DNER: variants seen among roughly 807,000 people sequenced by gnomAD.
The protein encoded by DNER is delta and Notch-like epidermal growth factor-related receptor.
Under a neutral mutation model 78.2 loss-of-function variants are expected in DNER, and 33 were observed. The ratio of observed to expected loss-of-function variants is 0.42; its 90% CI spans 0.32 to 0.56. The LOEUF is 0.56. Among genes scored for constraint, DNER ranks in the 20% least tolerant of loss-of-function variants. The pLI, the probability that DNER is intolerant of heterozygous loss-of-function variation, is 0.11. For synonymous variants in DNER, 417 were observed against 384.8 expected (o/e 1.08, Z -0.98); for missense variants, 918 against 975.3 (o/e 0.94, Z 0.78).
intron 6 of DNER, among the ~76,000 whole-genome samples, chr2:229,492,310 C>T (rs993014755): frequency 4.6e-5 from 7 of 152,200 alleles, no homozygotes; most frequent in East Asian, 1.9e-4. Context: ...GAAGCCCTGA[C>T]GTACCATGTC....
At chr2:229,518,395 G>T (rs1696022923) in intron 5 of DNER, among the ~76,000 whole-genome samples, 1 of 152,214 alleles carries the variant, frequency 6.6e-6, no homozygotes, top group Admixed American at 6.5e-5. Flanking sequence ...AAAAGGACAT[G>T]TTCTATGTCA....
At chr2:229,501,441 AATT>A in intron 6 of DNER, among the ~76,000 whole-genome samples, 1 of 152,110 alleles carries the variant, frequency 6.6e-6, no homozygotes, top group Non-Finnish European at 1.5e-5. Context: ...CTAAAAAAAA[AATT>A]TTGTACTGAT....
intron 4 of DNER, among the ~76,000 whole-genome samples, chr2:229,560,938 T>G (rs77809313): frequency 0.015 from 2,255 of 152,232 alleles, 58 homozygotes; most frequent in African/African-American, 0.052. Flanking sequence ...CAATTATGCC[T>G]CCATCACTGA....
intron 7 of DNER, among the ~76,000 whole-genome samples, chr2:229,451,021 C>T (rs1694444875): frequency 2.0e-5 from 3 of 152,212 alleles, no homozygotes; most frequent in Admixed American, 6.5e-5. Flanking sequence ...TTTCTCCCAT[C>T]GTCCACTGCC....
At chr2:229,713,931 C>G (rs1261997279) in intron 1 of DNER, among the ~76,000 whole-genome samples, 1 of 152,180 alleles carries the variant, frequency 6.6e-6, no homozygotes, top group Non-Finnish European at 1.5e-5. Context: ...CCCCGAGAGC[C>G]CGGCTGGCCC....
chr2:229,406,462 T>C (rs2106343585), intron 10 of DNER, among the ~76,000 whole-genome samples: 1 of 152,308 alleles, frequency 6.6e-6, no homozygotes, highest in African/African-American at 2.4e-5. Context: ...GGTGGTTTAG[T>C]TTCTTTCACC....
At chr2:229,419,306 G>A (rs961062744) in intron 8 of DNER, among the ~76,000 whole-genome samples, 2 of 152,164 alleles carry the variant, frequency 1.3e-5, no homozygotes, top group African/African-American at 4.8e-5. Context: ...ATGTGTTACT[G>A]CCAATTTGCA....
intron 5 of DNER, among the ~76,000 whole-genome samples, chr2:229,521,043 G>T (rs559975437): frequency 6.6e-6 from 1 of 152,178 alleles, no homozygotes; most frequent in Non-Finnish European, 1.5e-5. Context: ...CAGCCTTGGC[G>T]GAAGCAGAGG....
chr2:229,629,620 A>T (rs1204360331), intron 1 of DNER, among the ~76,000 whole-genome samples: 1 of 152,244 alleles, frequency 6.6e-6, no homozygotes, highest in Non-Finnish European at 1.5e-5. Context: ...CAGTCATCCC[A>T]AAATGAAAAT....
intron 7 of DNER, among the ~76,000 whole-genome samples, chr2:229,457,754 G>A (rs190589176): frequency 1.2e-4 from 17 of 147,590 alleles, no homozygotes; most frequent in South Asian, 2.2e-4. Flanking sequence ...ATTAAAAGGC[G>A]TAGATTGTCA....
intron 6 of DNER, among the ~76,000 whole-genome samples, chr2:229,484,054 G>A (rs1201276047): frequency 6.8e-6 from 1 of 147,766 alleles, no homozygotes; most frequent in African/African-American, 2.5e-5. Context: ...TCTCTGCCTT[G>A]TTTGGAGAGA....
chr2:229,682,705 G>T (rs10201955), intron 1 of DNER, among the ~76,000 whole-genome samples: 4 of 151,942 alleles, frequency 2.6e-5, no homozygotes, highest in African/African-American at 9.7e-5. Flanking sequence ...AAAATTAGCC[G>T]GGCGTGGTGG....
chr2:229,599,925 AGAAAAG>A (rs1333846441), intron 1 of DNER, among the ~76,000 whole-genome samples: 1 of 152,198 alleles, frequency 6.6e-6, no homozygotes, highest in African/African-American at 2.4e-5. Flanking sequence ...GGAGGAAAAC[AGAAAAG>A]GAAAGAATGA....
At position 229,714,162 on chromosome 2, in the gene DNER, C is replaced by T. The variant is rs1699954525; in HGVS notation, c.262G>A (p.Gly88Ser). The T allele has an allele frequency of 7.6e-6, 10 of 1,323,118 alleles. No individual in the cohort carries two copies. The highest frequency in any genetic ancestry group is 2.0e-5 in the South Asian group (1 of 49,646). The allele number at this position is 1,323,118 out of a possible 1,614,324, so 82.0% of individuals were successfully genotyped here. Residue 88 changes from glycine (G) to serine (S), a missense_variant, in exon 1 of 13, where the codon GGC becomes AGC. Coordinates refer to ENST00000341772, the MANE Select transcript of DNER (RefSeq NM_139072.4). ...YSCTCPAGIS[G>S]ANCQLVADPC... ...CTTCCACTCACCTGGCAGTTGGCGC[C>T]GGAGATCCCGGCGGGGCAGGTGCAG...
At chr2:229,609,217 C>A (rs1461817618) in intron 1 of DNER, among the ~76,000 whole-genome samples, 3 of 152,156 alleles carry the variant, frequency 2.0e-5, no homozygotes. Flanking sequence ...GAGTGAAACT[C>A]TGTCTCAAAA....
At chr2:229,373,330 C>G (rs375922187) in intron 11 of DNER, among the ~76,000 whole-genome samples, 1 of 152,028 alleles carries the variant, frequency 6.6e-6, no homozygotes, top group South Asian at 2.1e-4. Context: ...AAGTGGCCAA[C>G]AAACATGAAA....
intron 10 of DNER, among the ~76,000 whole-genome samples, chr2:229,389,283 G>A (rs73098241): frequency 0.029 from 4,448 of 151,900 alleles, 97 homozygotes; most frequent in African/African-American, 0.059. Context: ...CAATGTCACG[G>A]TGATTCAAAC....
intron 1 of DNER, among the ~76,000 whole-genome samples, chr2:229,644,334 CTTTTTTTTTTTTTTTT>C (rs5839345): frequency 1.0e-5 from 1 of 97,506 alleles, no homozygotes; most frequent in Non-Finnish European, 1.9e-5. Context: ...CTTGCTTTCT[CTTTTTTTTTTTTTTTT>C]TTTTTTTTTT....
intron 4 of DNER, among the ~76,000 whole-genome samples, chr2:229,567,947 T>G (rs936503591): frequency 5.3e-5 from 8 of 152,174 alleles, no homozygotes; most frequent in Non-Finnish European, 1.0e-4. Flanking sequence ...AAAAATTCAA[T>G]CCCTCTCCCT....
Sources: allele counts gnomAD v4.1 joint callset (sites outside exome capture counted in the v4.1 genomes callset), GRCh38; gene constraint gnomAD v4.1.1; transcripts MANE v1.5; gene names NCBI Gene and HGNC (gene_info 2026-07-23, HGNC 2026-07-21).